RERE: variants seen among roughly 807,000 people sequenced by gnomAD.
RERE encodes the protein arginine-glutamic acid dipeptide repeats protein.
A neutral mutation model predicts 146.1 loss-of-function variants in RERE; 40 were observed. The observed-to-expected ratio is 0.27, with a 90% CI of 0.21 to 0.36. RERE has a LOEUF of 0.36. Among genes scored for constraint, RERE ranks in the 10% least tolerant of loss-of-function variants. RERE has a pLI of 1.00. For missense variants in RERE, 1,933 were observed against 2,138.7 expected, an observed-to-expected ratio of 0.90 and a Z score of 1.90; for synonymous variants, 1,003 against 866.0, an observed-to-expected ratio of 1.16 and a Z score of -2.78.
At chr1:8,637,106 T>C (rs1343898937) in intron 2 of RERE, among the ~76,000 whole-genome samples, 1 of 152,124 alleles carries the variant, frequency 6.6e-6, no homozygotes, top group East Asian at 1.9e-4. Context: ...AGATGATGCA[T>C]TAAAAAGTAG....
intron 1 of RERE, among the ~76,000 whole-genome samples, chr1:8,785,514 C>T (rs889804818): frequency 4.6e-5 from 7 of 152,196 alleles, no homozygotes; most frequent in African/African-American, 1.4e-4. Context: ...AGTCCTAGTC[C>T]TTACCTTTCC....
chr1:8,363,824 A>T, intron 15 of RERE: 5 of 576,710 alleles, frequency 8.7e-6, no homozygotes, highest in Non-Finnish European at 1.5e-5. Context: ...CCAGAAGCTA[A>T]GAGCTTGCTA....
chr1:8,492,310 T>TA (rs1325592781), intron 10 of RERE, among the ~76,000 whole-genome samples: 3 of 152,176 alleles, frequency 2.0e-5, no homozygotes, highest in Admixed American at 1.3e-4. Context: ...ACAGAATTCT[T>TA]AAGAGAGTTT....
Position 8,676,947 on chromosome 1 carries a change from T to C in RERE, c.-144-20506A>G, listed in dbSNP as rs116123019. On this transcript the variant is annotated intron_variant, in intron 1 of 22. Coordinates refer to ENST00000400908, the MANE Select transcript of RERE (RefSeq NM_001042681.2). The stretch of plus-strand genomic sequence containing the variant: ...CAAAGAAAAATCATGTCAGGCCCAA[T>C]TTCCTCCTTCAAGAAACCACTCCTC... Among the ~76,000 whole-genome samples, 433 of 152,208 alleles carry C rather than the reference T, an allele frequency of 2.8e-3. 2 individuals are homozygous for C. The highest frequency in any genetic ancestry group is 0.014 in the Middle Eastern group (4 of 294).
chr1:8,355,743 C>T (rs1286064564), intron 21 of RERE, 144 bp from the exon 22 acceptor site: 5 of 735,410 alleles, frequency 6.8e-6, no homozygotes, highest in African/African-American at 1.8e-5. Context: ...ACTCTGCAGA[C>T]AGCCAGAGGG....
intron 1 of RERE, among the ~76,000 whole-genome samples, chr1:8,698,220 G>C (rs573123547): frequency 2.6e-5 from 4 of 152,280 alleles, no homozygotes; most frequent in African/African-American, 9.6e-5. Flanking sequence ...TTGGTTATCT[G>C]CTTCTGTATG....
intron 4 of RERE, among the ~76,000 whole-genome samples, chr1:8,582,249 G>A (rs941882356): frequency 6.6e-6 from 1 of 151,930 alleles, no homozygotes; most frequent in South Asian, 2.1e-4. Flanking sequence ...AGGCTGCAGC[G>A]CAGTGGCTAT....
Position 8,809,157 on chromosome 1 carries a change from A to AAAAAAAAAAAAT in RERE, c.-145+8002_-145+8003insATTTTTTTTTTT, listed in dbSNP as rs985140466. Among the ~76,000 whole-genome samples the AAAAAAAAAAAAT allele has an allele frequency of 2.7e-5, 4 of 146,210 alleles. 1 individual carries two copies. The highest frequency in any genetic ancestry group is 8.2e-5 in the African/African-American group (3 of 36,440). ...TGTCTTAAAAAAAAAAAAAAAAAAA[A>AAAAAAAAAAAAT]AAAGTACTGAGGGAGAGGTTAATGG... is the stretch of plus-strand genomic sequence containing the variant. On this transcript the variant is annotated intron_variant, in intron 1 of 22. Coordinates refer to ENST00000400908, the MANE Select transcript of RERE (RefSeq NM_001042681.2).
intron 1 of RERE, among the ~76,000 whole-genome samples, chr1:8,785,910 T>G (rs1641251454): frequency 6.6e-6 from 1 of 152,064 alleles, no homozygotes; most frequent in Admixed American, 6.6e-5. Context: ...GTATGAGCCA[T>G]CGCGCTCGGC....
At chr1:8,379,534 A>G (rs920420631) in intron 12 of RERE, among the ~76,000 whole-genome samples, 4 of 152,236 alleles carry the variant, frequency 2.6e-5, no homozygotes, top group African/African-American at 4.8e-5. Context: ...GGATCTCCGA[A>G]TCTGTGACTG....
intron 1 of RERE, among the ~76,000 whole-genome samples, chr1:8,735,141 A>C (rs1474331847): frequency 6.6e-6 from 1 of 152,224 alleles, no homozygotes; most frequent in Non-Finnish European, 1.5e-5. Flanking sequence ...AGTAAAATCT[A>C]TAACATATAT....
chr1:8,677,124 C>T (rs1194311967), intron 1 of RERE, among the ~76,000 whole-genome samples: 5 of 152,146 alleles, frequency 3.3e-5, no homozygotes, highest in South Asian at 2.1e-4. Context: ...TTCACATCCA[C>T]TTCAAGTGTC....
chr1:8,783,720 G>T (rs1311399150), intron 1 of RERE, among the ~76,000 whole-genome samples: 1 of 152,082 alleles, frequency 6.6e-6, no homozygotes, highest in Non-Finnish European at 1.5e-5. Flanking sequence ...AAACCATCCA[G>T]TGCCTTCCCC....
intron 7 of RERE, among the ~76,000 whole-genome samples, chr1:8,522,863 G>A (rs1347645640): frequency 1.3e-5 from 2 of 148,618 alleles, no homozygotes; most frequent in Non-Finnish European, 3.0e-5. Flanking sequence ...ACAAGAGCGA[G>A]ACTCCGTCTC....
chr1:8,685,980 A>ATT (rs3044418), intron 1 of RERE, among the ~76,000 whole-genome samples: 5 of 144,258 alleles, frequency 3.5e-5, no homozygotes, highest in Non-Finnish European at 4.5e-5. Context: ...TCTTTAGGTA[A>ATT]TTTTTTTTTT....
intron 12 of RERE, among the ~76,000 whole-genome samples, chr1:8,393,254 C>T (rs1642945763): frequency 6.6e-6 from 1 of 152,196 alleles, no homozygotes; most frequent in Non-Finnish European, 1.5e-5. Context: ...TCACCAACTG[C>T]TCTAGGAAGA....
chr1:8,362,509 T>C (rs1246531064), intron 16 of RERE, among the ~76,000 whole-genome samples, 174 bp downstream of exon 16: 1 of 152,198 alleles, frequency 6.6e-6, no homozygotes, highest in Admixed American at 6.5e-5. Context: ...CCCCCTTCTC[T>C]AGGCCCCCAG....
chr1:8,731,969 AT>A (rs1164535147), intron 1 of RERE, among the ~76,000 whole-genome samples: 2 of 151,884 alleles, frequency 1.3e-5, no homozygotes, highest in African/African-American at 4.8e-5. Context: ...CGCCCGGCTA[AT>A]TTTTTTGTAT....
intron 8 of RERE, among the ~76,000 whole-genome samples, chr1:8,501,035 G>GA (rs1557660928): frequency 8.2e-6 from 1 of 122,542 alleles, no homozygotes; most frequent in Non-Finnish European, 1.7e-5. Context: ...TCCGGGAGGG[G>GA]GGGGGGGGGT....
Sources: gnomAD v4.1 joint callset for allele counts (sites outside exome capture counted in the v4.1 genomes callset) on GRCh38, gnomAD v4.1.1 for gene constraint, MANE v1.5 for transcripts, NCBI Gene and HGNC (gene_info 2026-07-23, HGNC 2026-07-21) for gene names.